The following DGKZ variants were observed in gnomAD, a reference collection of about 807,000 sequenced individuals.
The protein encoded by DGKZ is diacylglycerol kinase zeta.
Under a neutral mutation model 142.5 loss-of-function variants are expected in DGKZ, and 45 were observed. The observed-to-expected ratio is 0.32, with a 90% CI of 0.25 to 0.40. The LOEUF is 0.40. Among genes scored for constraint, DGKZ ranks in the 10% least tolerant of loss-of-function variants. DGKZ has a pLI of 1.00. For synonymous variants in DGKZ, 442 were observed against 527.0 expected (o/e 0.84, Z 2.21); for missense variants, 755 against 1,306.5 (o/e 0.58, Z 6.51).
At chr11:46,369,862 G>A in intron 5 of DGKZ, 79 bp from the exon 6 acceptor site, 1 of 1,497,536 alleles carries the variant, frequency 6.7e-7, no homozygotes. Context: ...AGCCCCGTGT[G>A]TTGAGCCGTG....
intron 1 of DGKZ, among the ~76,000 whole-genome samples, chr11:46,341,271 G>A (rs895216727): frequency 2.0e-5 from 3 of 152,196 alleles, no homozygotes; most frequent in African/African-American, 7.2e-5. Flanking sequence ...AAGTCACTGA[G>A]CACAAACTCA....
chr11:46,380,105 G>C, exon 31 of DGKZ: 1 of 746,364 alleles, frequency 1.3e-6, no homozygotes, highest in South Asian at 1.9e-5. Flanking sequence ...CAGACCTAGG[G>C]CTGGACTCAG....
At chr11:46,368,280 T>C (rs550471998) in intron 4 of DGKZ, 1 of 671,136 alleles carries the variant, frequency 1.5e-6, no homozygotes, top group South Asian at 1.5e-5. Context: ...CCCCACTGCC[T>C]GGAACAAACC....
Position 46,369,684 on chromosome 11 carries a change from G to A in DGKZ, c.501+134G>A, listed in dbSNP as rs1306600915. ...GCTCACTGAGGTCTGTCTGAGGTCT[G>A]CCATGCGGAGGCCTAACTAGCGCTG... On this transcript the variant is annotated intron_variant, in intron 5 of 30. Coordinates refer to ENST00000527911, the Ensembl canonical transcript of DGKZ. 3 of 1,232,210 alleles carry A rather than the reference G, an allele frequency of 2.4e-6. No homozygotes were observed. In the East Asian group the frequency reaches 7.1e-5, roughly 29 times the overall value. 76.3% of individuals were successfully genotyped at this position (1,232,210 alleles called of 1,614,324 possible).
chr11:46,370,459 A>C (rs1392046701), intron 6 of DGKZ, among the ~76,000 whole-genome samples: 1 of 152,200 alleles, frequency 6.6e-6, no homozygotes, highest in South Asian at 2.1e-4. Flanking sequence ...TCCCTCAGTA[A>C]GTGCAGGCTC....
In DGKZ at chr11:46,359,728, C is replaced by A. The variant is rs370344856; in HGVS notation, c.162-7563C>A. On this transcript the variant is annotated intron_variant, in intron 1 of 30. Transcript: ENST00000527911. ...AAGCGATTCTCCTGCCTCAGCCTCC[C>A]GAGTAGCTGGGATTACAGGCACCTG... Among the ~76,000 whole-genome samples the A allele has an allele frequency of 8.0e-3, 1,205 of 151,572 alleles. 10 individuals carry two copies. The highest frequency in any genetic ancestry group is 0.028 in the African/African-American group (1,164 of 41,322).
Position 46,378,519 on chromosome 11 carries a change from A to G in DGKZ, c.2418+19A>G, listed in dbSNP as rs766503910. The G allele has an allele frequency of 1.7e-5, 27 of 1,612,928 alleles. No homozygotes were observed. The highest frequency in any genetic ancestry group is 2.1e-5 in the Non-Finnish European group (25 of 1,179,912). ...CTGTAAGGTACTAGCTCCAGGCTCCAGTTCCTTCCCCCAGCAGCTCCCTCG... is the reference window on the plus strand; with the variant it reads ...CTGTAAGGTACTAGCTCCAGGCTCCGGTTCCTTCCCCCAGCAGCTCCCTCG... On this transcript the variant is annotated intron_variant, in intron 27 of 30. Coordinates refer to ENST00000527911, the Ensembl canonical transcript of DGKZ.
rs181648693 is a variant in DGKZ, at chr11:46,377,661, C to T, written c.2342+449C>T. 3.1e-5 allele frequency: 7 copies of T among 222,514 alleles called. No homozygotes were observed. The East Asian group carries it at 4.1e-4, about 13-fold the overall frequency. 13.8% of individuals were successfully genotyped at this position (222,514 alleles called of 1,614,324 possible). A position where few individuals can be genotyped will look rare whatever the true frequency, so the allele number is the denominator to read the frequency against. On this transcript the variant is annotated intron_variant, in intron 25 of 30. Transcript: ENST00000527911. Reference sequence around the variant, plus strand: ...GCTTCTTTCTCAGCAGCCCTTTGGACGTGGATTCTCCCCAGGCCCCCCGTC... The same window carrying T: ...GCTTCTTTCTCAGCAGCCCTTTGGATGTGGATTCTCCCCAGGCCCCCCGTC...
chr11:46,365,083 AG>A, intron 1 of DGKZ: 1 of 985,388 alleles, frequency 1.0e-6, no homozygotes. Flanking sequence ...GCTGTGAAGA[AG>A]GGTAGGCAGG....
rs1239067079 is a variant in DGKZ at position 46,369,393 on chromosome 11, A to G, written c.445-101A>G. 4.2e-6 allele frequency: 6 copies of G among 1,440,166 alleles called. No homozygotes were observed. In the African/African-American group the frequency reaches 4.2e-5, roughly 10 times the overall value. The allele number at this position is 1,440,166 out of a possible 1,614,324, so 89.2% of individuals were successfully genotyped here. On this transcript the variant is annotated intron_variant, in intron 4 of 30. Transcript: ENST00000527911. ...CTCGTGACGATTTGGGGGTATCCCC[A>G]CCTTGTGAGGATGACTCTGGGTTGT... is the stretch of plus-strand genomic sequence containing the variant.
At chr11:46,333,592 G>A (rs2136370828) in intron 1 of DGKZ, 1 of 1,087,332 alleles carries the variant, frequency 9.2e-7, no homozygotes, top group Non-Finnish European at 1.3e-6. Flanking sequence ...CCTGGCGCTG[G>A]GAGTTTAGAG....
rs903527772 is a variant in DGKZ at position 46,367,687 on chromosome 11, G to T, written c.306G>T (p.Glu102Asp). 1 of 1,609,978 alleles carries T rather than the reference G, an allele frequency of 6.2e-7. No homozygotes were observed. Among genetic ancestry groups the T allele is most frequent in the South Asian group, 1.1e-5 (1 of 90,992 alleles). ...CATATGGGGAGCACATCTGGTTCGA[G>T]ACCAACGTGTCCGGGGACTTCTGCT... is the stretch of plus-strand genomic sequence containing the variant. The change falls in exon 3 of 31, where the codon GAG becomes GAT. Residue 102 changes from glutamate to aspartate, a missense_variant. Around this residue, in one of 8 missense-constraint regions of DGKZ, gnomAD observed 81 missense variants for 86.5 expected, o/e 0.94. Coordinates refer to ENST00000527911, the Ensembl canonical transcript of DGKZ. This position sits in a 1 kb window ranked among gnomAD's most constrained non-coding sequence, Gnocchi z 4.1.
At position 46,372,308 on chromosome 11, in the gene DGKZ, C is replaced by T; in HGVS notation, c.928-120C>T. 1 of 1,337,202 alleles carries T rather than the reference C, an allele frequency of 7.5e-7. No individual in the cohort carries two copies. Among genetic ancestry groups the T allele is most frequent in the Non-Finnish European group, 1.0e-6 (1 of 957,328 alleles). 82.8% of individuals were successfully genotyped at this position (1,337,202 alleles called of 1,614,324 possible). A position where few individuals can be genotyped will look rare whatever the true frequency, so the allele number is the denominator to read the frequency against. Reference sequence around the variant, plus strand: ...CCCAGGGATCCTGAGAAAATCCTGTCCTTTCTCCACCCCTCACCCCTTATT... The same window carrying T: ...CCCAGGGATCCTGAGAAAATCCTGTTCTTTCTCCACCCCTCACCCCTTATT... On this transcript the variant is annotated intron_variant, in intron 10 of 30. Transcript: ENST00000527911. The surrounding 1 kb of genome is among the most constrained non-coding windows in gnomAD (Gnocchi z 5.9).
exon 15 of DGKZ, chr11:46,374,203 C>T: frequency 6.2e-7 from 1 of 1,614,162 alleles, no homozygotes; most frequent in East Asian, 2.2e-5. Flanking sequence ...GGCTTTGACG[C>T]CCACGTCACC....
At chr11:46,379,132 C>G (rs773706771) in intron 28 of DGKZ, 21 bp downstream of exon 28, 1 of 1,610,502 alleles carries the variant, frequency 6.2e-7, no homozygotes, top group African/African-American at 1.3e-5. Context: ...CAGTGGAGCC[C>G]AGGGCCTGGG....
intron 30 of DGKZ, 109 bp downstream of exon 30, chr11:46,379,677 C>A (rs1944997626): frequency 1.6e-6 from 2 of 1,289,102 alleles, no homozygotes; most frequent in Non-Finnish European, 2.1e-6. Context: ...ACAGTCCAGA[C>A]CCTGGGAAAC....
rs763114811 is a variant in DGKZ, at chr11:46,369,933, TC to T, written c.502-3del. The T allele has an allele frequency of 1.9e-6, 3 of 1,613,504 alleles. No individual in the cohort carries two copies. In the South Asian group the frequency reaches 3.3e-5, roughly 18 times the overall value. On this transcript the variant is annotated splice_polypyrimidine_tract_variant and splice_region_variant and intron_variant, in intron 5 of 30. Coordinates refer to ENST00000527911, the Ensembl canonical transcript of DGKZ. ...TCACCCAGTGAAATTTTTCCCCTTC[TC>T]CCCCAGCCAACCTTTGTACGGCACC...
intron 1 of DGKZ, among the ~76,000 whole-genome samples, chr11:46,341,583 G>T (rs1378595829): frequency 6.6e-6 from 1 of 152,184 alleles, no homozygotes; most frequent in Admixed American, 6.5e-5. Flanking sequence ...AAATCATCTG[G>T]TCCAACCCAG....
At chr11:46,373,487 T>G (rs944271063) in intron 14 of DGKZ, among the ~76,000 whole-genome samples, 1 of 88,482 alleles carries the variant, frequency 1.1e-5, no homozygotes, top group South Asian at 3.1e-4. Context: ...TTTTTTCTTG[T>G]TTTTTTTTTT....
Sources: gnomAD v4.1 joint callset for allele counts (sites outside exome capture counted in the v4.1 genomes callset) on GRCh38, gnomAD v4.1.1 for gene constraint, gnomAD v4.1.1 regional missense constraint, Gnocchi (gnomAD v3.1) non-coding constraint, MANE v1.5 for transcripts, NCBI Gene and HGNC (gene_info 2026-07-23, HGNC 2026-07-21) for gene names.